AMPH: variants seen among roughly 807,000 people sequenced by gnomAD.
The protein encoded by AMPH is amphiphysin (Stiff-Mann syndrome with breast cancer 128kD autoantigen).
Under a neutral mutation model 99.1 loss-of-function variants are expected in AMPH, and 49 were observed. That is an observed-to-expected ratio of 0.49 (90% CI 0.39 to 0.63). The LOEUF is 0.63. Among genes scored for constraint, AMPH ranks in the 20% least tolerant of loss-of-function variants. The probability of loss-of-function intolerance (pLI) is 0.00; values close to 1 mark genes in which losing one functional copy is unlikely to be tolerated. For synonymous variants in AMPH, 314 were observed against 317.3 expected (o/e 0.99, Z 0.11); for missense variants, 759 against 863.4 (o/e 0.88, Z 1.52).
At chr7:38,605,444 T>A (rs1441104262) in intron 1 of AMPH, among the ~76,000 whole-genome samples, 1 of 152,220 alleles carries the variant, frequency 6.6e-6, no homozygotes, top group African/African-American at 2.4e-5. Context: ...TTTCTAAGGC[T>A]TTTGTGGAGG....
intron 19 of AMPH, 84 bp from the exon 20 acceptor site, chr7:38,389,989 T>A (rs1717796453): frequency 1.9e-6 from 2 of 1,064,408 alleles, no homozygotes; most frequent in Admixed American, 3.5e-5. Flanking sequence ...CCAACCTGGA[T>A]GAAAAGAGGA....
At chr7:38,425,469 C>T (rs531391012) in intron 15 of AMPH, among the ~76,000 whole-genome samples, 3 of 152,146 alleles carry the variant, frequency 2.0e-5, no homozygotes, top group Non-Finnish European at 4.4e-5. Context: ...ATAAATTAGA[C>T]CCACAATTTT....
At chr7:38,574,074 G>A (rs1184001699) in intron 1 of AMPH, among the ~76,000 whole-genome samples, 7 of 152,198 alleles carry the variant, frequency 4.6e-5, no homozygotes, top group Non-Finnish European at 1.0e-4. Flanking sequence ...TTGATGTTAA[G>A]TATAAGGCAA....
chr7:38,615,151 C>G, intron 1 of AMPH, among the ~76,000 whole-genome samples: 1 of 152,312 alleles, frequency 6.6e-6, no homozygotes. Flanking sequence ...CAATTCCATA[C>G]TTAACTAGCT....
intron 1 of AMPH, among the ~76,000 whole-genome samples, chr7:38,537,922 G>A (rs1247541934): frequency 6.6e-6 from 1 of 152,170 alleles, no homozygotes; most frequent in Non-Finnish European, 1.5e-5. Flanking sequence ...TATTAGCAGG[G>A]AGAAGAAAAG....
At chr7:38,577,982 G>T (rs1357805401) in intron 1 of AMPH, among the ~76,000 whole-genome samples, 3 of 152,164 alleles carry the variant, frequency 2.0e-5, no homozygotes, top group Non-Finnish European at 2.9e-5. Context: ...CGATAGCTGC[G>T]TCACCTGTGC....
intron 1 of AMPH, among the ~76,000 whole-genome samples, chr7:38,548,561 T>C (rs1791071325): frequency 1.3e-5 from 2 of 152,112 alleles, no homozygotes; most frequent in Admixed American, 6.5e-5. Context: ...CCAAGGTTCA[T>C]TGTCCCATGC....
chr7:38,582,112 C>T (rs773172005), intron 1 of AMPH, among the ~76,000 whole-genome samples: 7 of 151,966 alleles, frequency 4.6e-5, no homozygotes, highest in Non-Finnish European at 7.4e-5. Context: ...AGAAAAGAAG[C>T]CCGAAGCCTG....
At chr7:38,627,915 T>G (rs912311938) in intron 1 of AMPH, among the ~76,000 whole-genome samples, 1 of 152,168 alleles carries the variant, frequency 6.6e-6, no homozygotes, top group East Asian at 1.9e-4. Context: ...GACACCTGCA[T>G]GTAGCAGGAT....
chr7:38,554,349 G>C, intron 1 of AMPH, among the ~76,000 whole-genome samples: 1 of 152,144 alleles, frequency 6.6e-6, no homozygotes, highest in East Asian at 1.9e-4. Flanking sequence ...TCTATAGAAG[G>C]CTAAAATCAG....
At chr7:38,536,354 G>A (rs530995457) in intron 1 of AMPH, among the ~76,000 whole-genome samples, 5 of 152,166 alleles carry the variant, frequency 3.3e-5, no homozygotes, top group African/African-American at 9.6e-5. Context: ...TTCATAGCTC[G>A]TATATTTTCC....
At chr7:38,473,075 G>A (rs1445408231) in intron 7 of AMPH, among the ~76,000 whole-genome samples, 1 of 152,120 alleles carries the variant, frequency 6.6e-6, no homozygotes, top group African/African-American at 2.4e-5. Flanking sequence ...TGGCAATTCT[G>A]GCAATTTCCC....
At chr7:38,422,333 C>CCTGT (rs1785608459) in intron 16 of AMPH, 88 bp downstream of exon 16, 2 of 1,108,750 alleles carry the variant, frequency 1.8e-6, no homozygotes, top group South Asian at 2.9e-5. Flanking sequence ...TCTGGATATT[C>CCTGT]AAACTCTAGA....
intron 1 of AMPH, among the ~76,000 whole-genome samples, chr7:38,626,065 GC>G (rs1446759194): frequency 2.0e-5 from 3 of 152,190 alleles, no homozygotes. Context: ...AGCTGTATAA[GC>G]ATATTTTTGA....
At chr7:38,488,490 G>C (rs972487289) in intron 5 of AMPH, among the ~76,000 whole-genome samples, 3 of 145,486 alleles carry the variant, frequency 2.1e-5, no homozygotes, top group African/African-American at 7.6e-5. Context: ...CATGGACACG[G>C]AGTGGAACAT....
At chr7:38,441,776 T>TATCA (rs1786529246) in intron 11 of AMPH, among the ~76,000 whole-genome samples, 1 of 139,218 alleles carries the variant, frequency 7.2e-6, no homozygotes, top group Non-Finnish European at 1.5e-5. Flanking sequence ...ATATGATATA[T>TATCA]ATCATATATC....
chr7:38,404,655 G>C (rs947506925), intron 17 of AMPH, among the ~76,000 whole-genome samples: 2 of 152,172 alleles, frequency 1.3e-5, no homozygotes, highest in Non-Finnish European at 2.9e-5. Flanking sequence ...TCCAAAGGAT[G>C]ACTAATTTAA....
chr7:38,450,893 CTT>C (rs1161257005), intron 11 of AMPH, among the ~76,000 whole-genome samples: 48 of 144,238 alleles, frequency 3.3e-4, no homozygotes, highest in African/African-American at 6.1e-4. Context: ...AAAACACTTT[CTT>C]TTTTTTTTTT....
At chr7:38,553,589 T>A (rs1791255272) in intron 1 of AMPH, among the ~76,000 whole-genome samples, 1 of 152,254 alleles carries the variant, frequency 6.6e-6, no homozygotes, top group Admixed American at 6.5e-5. Flanking sequence ...GTTAAAATTC[T>A]AAAGTCCTAA....
Sources: gnomAD v4.1 joint callset for allele counts (sites outside exome capture counted in the v4.1 genomes callset) on GRCh38, gnomAD v4.1.1 for gene constraint, MANE v1.5 for transcripts, NCBI Gene and HGNC (gene_info 2026-07-23, HGNC 2026-07-21) for gene names.